FRMD6: variants seen among roughly 807,000 people sequenced by gnomAD.
FRMD6 encodes the protein FERM domain containing 6, also known as FERM domain-containing protein 6.
A neutral mutation model predicts 73.2 loss-of-function variants in FRMD6; 37 were observed. That is an observed-to-expected ratio of 0.51 (90% CI 0.39 to 0.66). FRMD6 has a LOEUF of 0.66. Among genes scored for constraint, FRMD6 ranks in the 30% least tolerant of loss-of-function variants. The pLI is 0.00. For synonymous variants in FRMD6, 273 were observed against 282.2 expected (o/e 0.97, Z 0.33); for missense variants, 714 against 780.5 (o/e 0.91, Z 1.02).
At chr14:51,519,920 C>T (rs1884849239) in intron 1 of FRMD6, among the ~76,000 whole-genome samples, 1 of 152,138 alleles carries the variant, frequency 6.6e-6, no homozygotes, top group Non-Finnish European at 1.5e-5. Flanking sequence ...TTTTAAGAGA[C>T]ATTCACTCCA....
intron 1 of FRMD6, among the ~76,000 whole-genome samples, chr14:51,515,469 T>C (rs1023652867): frequency 6.6e-6 from 1 of 152,196 alleles, no homozygotes; most frequent in African/African-American, 2.4e-5. Flanking sequence ...CCCCCACTTC[T>C]AGTGCAACTG....
chr14:51,457,485 A>G, the FRMD6 span, among the ~76,000 whole-genome samples: 1 of 152,138 alleles, frequency 6.6e-6, no homozygotes, highest in South Asian at 2.1e-4. Context: ...CTTGCTTTGT[A>G]ATCTTATTTT....
At chr14:51,444,698 C>A in the FRMD6 span, among the ~76,000 whole-genome samples, 2 of 152,132 alleles carry the variant, frequency 1.3e-5, no homozygotes, top group African/African-American at 4.8e-5. Flanking sequence ...CAAGAAGTCA[C>A]GGAGCCCTAT....
At chr14:51,608,935 A>C (rs12885443) in intron 2 of FRMD6, among the ~76,000 whole-genome samples, 26,054 of 152,144 alleles carry the variant, frequency 0.17, 2,641 homozygotes, top group Non-Finnish European at 0.22. Context: ...AATGTCCTAC[A>C]TGCTACAAGG....
intron 1 of FRMD6, among the ~76,000 whole-genome samples, chr14:51,551,674 C>G (rs1008065871): frequency 1.2e-4 from 18 of 151,938 alleles, no homozygotes; most frequent in African/African-American, 4.1e-4. Context: ...GAGGTCAAGG[C>G]TGCAGTGAGC....
At chr14:51,433,514 A>G in the FRMD6 span, among the ~76,000 whole-genome samples, 11 of 152,246 alleles carry the variant, frequency 7.2e-5, no homozygotes, top group Admixed American at 5.9e-4. Flanking sequence ...TACTAAATAC[A>G]TATCTGCTCA....
the FRMD6 span, among the ~76,000 whole-genome samples, chr14:51,451,216 T>C: frequency 6.6e-6 from 1 of 152,142 alleles, no homozygotes; most frequent in Non-Finnish European, 1.5e-5. Flanking sequence ...AGGTGGACCA[T>C]TGATATAGTT....
At chr14:51,661,361 A>G (rs1047015468) in intron 1 of FRMD6, among the ~76,000 whole-genome samples, 1 of 152,206 alleles carries the variant, frequency 6.6e-6, no homozygotes, top group Non-Finnish European at 1.5e-5. Flanking sequence ...ACGTTTTTCC[A>G]ACATAGTGAA....
intron 1 of FRMD6, among the ~76,000 whole-genome samples, chr14:51,498,534 C>G (rs1040933429): frequency 5.9e-5 from 9 of 152,164 alleles, no homozygotes; most frequent in African/African-American, 2.2e-4. Context: ...ACTGGTATTA[C>G]CTGGGCTTAT....
intron 2 of FRMD6, among the ~76,000 whole-genome samples, chr14:51,571,654 A>G (rs562264506): frequency 3.9e-5 from 6 of 152,318 alleles, no homozygotes; most frequent in Non-Finnish European, 7.4e-5. Flanking sequence ...AAAGATATGC[A>G]TGATTTCTTC....
At chr14:51,508,663 C>G (rs78723702) in intron 1 of FRMD6, among the ~76,000 whole-genome samples, 1 of 152,144 alleles carries the variant, frequency 6.6e-6, no homozygotes, top group Non-Finnish European at 1.5e-5. Context: ...GGCTGTAGCC[C>G]GACTGGAAAA....
At chr14:51,494,664 C>A (rs1883194581) in intron 1 of FRMD6, among the ~76,000 whole-genome samples, 1 of 152,194 alleles carries the variant, frequency 6.6e-6, no homozygotes, top group Non-Finnish European at 1.5e-5. Flanking sequence ...GTCATGGGGG[C>A]AGCCTCACCC....
At chr14:51,448,219 T>C in the FRMD6 span, among the ~76,000 whole-genome samples, 1 of 152,240 alleles carries the variant, frequency 6.6e-6, no homozygotes, top group Non-Finnish European at 1.5e-5. Flanking sequence ...ATCATCTCCT[T>C]CTGGATTTCC....
the FRMD6 span, among the ~76,000 whole-genome samples, chr14:51,433,940 G>A: frequency 0.53 from 80,799 of 152,064 alleles, 21,881 homozygotes; most frequent in East Asian, 0.68. Context: ...ATTATAAAAC[G>A]AACTGTACGC....
the FRMD6 span, among the ~76,000 whole-genome samples, chr14:51,425,754 T>C: frequency 6.6e-6 from 1 of 152,192 alleles, no homozygotes; most frequent in East Asian, 1.9e-4. Flanking sequence ...TGAGTAGGTC[T>C]CTCCTCTTGT....
chr14:51,648,045 G>T (rs975850953), upstream of FRMD6, among the ~76,000 whole-genome samples: 2 of 152,086 alleles, frequency 1.3e-5, no homozygotes, highest in African/African-American at 4.8e-5. Flanking sequence ...GGCTGGTCTC[G>T]AACTCCTGAC....
chr14:51,698,287 CATCTTAT>C, intron 3 of FRMD6, 55 bp downstream of exon 3: 9 of 1,174,498 alleles, frequency 7.7e-6, no homozygotes, highest in Non-Finnish European at 8.7e-6. Flanking sequence ...GAGGAAATGA[CATCTTAT>C]AGCTATAACT....
chr14:51,618,380 A>G (rs1189625298), intron 2 of FRMD6, among the ~76,000 whole-genome samples: 2 of 152,190 alleles, frequency 1.3e-5, no homozygotes, highest in Non-Finnish European at 2.9e-5. Flanking sequence ...ATGTTAAGGA[A>G]GTGGAGACAA....
chr14:51,703,992 A>G (rs1164196643), intron 5 of FRMD6, among the ~76,000 whole-genome samples: 3 of 152,072 alleles, frequency 2.0e-5, no homozygotes, highest in Non-Finnish European at 2.9e-5. Flanking sequence ...AGCATTTCTT[A>G]ACGTATTTAA....
Sources: gnomAD v4.1 joint callset for allele counts (sites outside exome capture counted in the v4.1 genomes callset) on GRCh38, gnomAD v4.1.1 for gene constraint, MANE v1.5 for transcripts, NCBI Gene and HGNC (gene_info 2026-07-23, HGNC 2026-07-21) for gene names.